The following FHIT variants were observed in gnomAD, a reference collection of about 807,000 sequenced individuals.
FHIT encodes fragile histidine triad diadenosine triphosphatase.
Under a neutral mutation model 17.9 loss-of-function variants are expected in FHIT, and 19 were observed. The ratio of observed to expected loss-of-function variants is 1.06; its 90% confidence interval spans 0.74 to 1.56. FHIT has a LOEUF of 1.56. Among genes scored for constraint, FHIT ranks in the 40% most tolerant of loss-of-function variants. The probability of loss-of-function intolerance (pLI) is 0.00; values close to 1 mark genes in which losing one functional copy is unlikely to be tolerated. For synonymous variants in FHIT, 81 were observed against 69.7 expected (o/e 1.16, Z -0.81); for missense variants, 248 against 189.2 (o/e 1.31, Z -1.82).
intron 4 of FHIT, among the ~76,000 whole-genome samples, chr3:60,751,473 G>T (rs1267313543): frequency 2.0e-5 from 3 of 152,304 alleles, no homozygotes; most frequent in African/African-American, 7.2e-5. Context: ...CAAAATATGG[G>T]CAAAGGATAG....
At chr3:59,823,579 C>T (rs907136515) in intron 8 of FHIT, among the ~76,000 whole-genome samples, 1 of 151,414 alleles carries the variant, frequency 6.6e-6, no homozygotes, top group African/African-American at 2.4e-5. Flanking sequence ...ACCACAAAAA[C>T]AGAATTAAAA....
intron 5 of FHIT, among the ~76,000 whole-genome samples, chr3:60,145,632 G>C (rs10510830): frequency 0.19 from 29,058 of 152,104 alleles, 3,172 homozygotes; most frequent in Middle Eastern, 0.33. Flanking sequence ...CATGTGCAAA[G>C]TAACAAAATA....
intron 5 of FHIT, among the ~76,000 whole-genome samples, chr3:60,280,786 C>T (rs1429658027): frequency 6.6e-6 from 1 of 152,078 alleles, no homozygotes; most frequent in African/African-American, 2.4e-5. Context: ...AGATTTTCCC[C>T]TGTTAATACT....
intron 5 of FHIT, among the ~76,000 whole-genome samples, chr3:60,471,004 A>G (rs2033062179): frequency 6.6e-6 from 1 of 152,132 alleles, no homozygotes; most frequent in African/African-American, 2.4e-5. Flanking sequence ...ATGTTTAGAA[A>G]CGCTGTCTGG....
At chr3:61,049,855 G>T (rs914043333) in intron 2 of FHIT, among the ~76,000 whole-genome samples, 9 of 152,116 alleles carry the variant, frequency 5.9e-5, no homozygotes, top group Non-Finnish European at 8.8e-5. Flanking sequence ...CCTGGAGCAG[G>T]TCATAAGACC....
chr3:60,656,738 C>T (rs1406447018), intron 4 of FHIT, among the ~76,000 whole-genome samples: 2 of 152,158 alleles, frequency 1.3e-5, no homozygotes, highest in Non-Finnish European at 2.9e-5. Flanking sequence ...GGGTTTCCAA[C>T]GTTAACTATG....
intron 7 of FHIT, among the ~76,000 whole-genome samples, chr3:59,993,466 T>C (rs1323578244): frequency 6.6e-6 from 1 of 152,030 alleles, no homozygotes; most frequent in African/African-American, 2.4e-5. Context: ...GAGGTGTTCA[T>C]TCAGCCTGAG....
intron 5 of FHIT, among the ~76,000 whole-genome samples, chr3:60,358,634 T>C (rs1229794843): frequency 1.3e-5 from 2 of 152,180 alleles, no homozygotes; most frequent in East Asian, 1.9e-4. Context: ...CTAATAAACA[T>C]TGCTAAGTAA....
chr3:60,284,304 G>A (rs1707612481), intron 5 of FHIT, among the ~76,000 whole-genome samples: 1 of 152,180 alleles, frequency 6.6e-6, no homozygotes, highest in African/African-American at 2.4e-5. Flanking sequence ...CAAATGAGGT[G>A]TAGACGTTCA....
At chr3:60,342,694 T>G (rs1710585753) in intron 5 of FHIT, among the ~76,000 whole-genome samples, 1 of 152,114 alleles carries the variant, frequency 6.6e-6, no homozygotes. Flanking sequence ...GATTTTGGCT[T>G]TGAAAGAGAA....
intron 2 of FHIT, among the ~76,000 whole-genome samples, chr3:61,093,594 C>G (rs934959427): frequency 3.9e-5 from 6 of 152,268 alleles, no homozygotes; most frequent in East Asian, 1.9e-4. Flanking sequence ...ACATTCAAAG[C>G]CGGGATAGGA....
At chr3:60,517,317 G>C (rs572418176) in intron 5 of FHIT, among the ~76,000 whole-genome samples, 1 of 152,106 alleles carries the variant, frequency 6.6e-6, no homozygotes, top group Non-Finnish European at 1.5e-5. Flanking sequence ...CATATATGAT[G>C]CAATACATGT....
intron 4 of FHIT, among the ~76,000 whole-genome samples, chr3:60,807,159 T>A (rs1701422524): frequency 6.6e-6 from 1 of 152,198 alleles, no homozygotes; most frequent in African/African-American, 2.4e-5. Flanking sequence ...ACTATTTTAT[T>A]CATCTAGAAG....
intron 5 of FHIT, among the ~76,000 whole-genome samples, chr3:60,183,701 C>A (rs899062463): frequency 1.3e-5 from 2 of 152,116 alleles, no homozygotes; most frequent in African/African-American, 4.8e-5. Flanking sequence ...CTTGCCTCCC[C>A]AGAATCCCTT....
At chr3:60,168,251 A>G (rs760742233) in intron 5 of FHIT, among the ~76,000 whole-genome samples, 1 of 152,174 alleles carries the variant, frequency 6.6e-6, no homozygotes, top group African/African-American at 2.4e-5. Context: ...CTCCAGAGAG[A>G]TATCTTCTAC....
intron 4 of FHIT, among the ~76,000 whole-genome samples, chr3:60,624,818 T>C (rs1553680271): frequency 6.6e-6 from 1 of 152,204 alleles, no homozygotes. Flanking sequence ...TCCTTTTTTT[T>C]ACAAGATGAT....
intron 2 of FHIT, among the ~76,000 whole-genome samples, chr3:61,151,606 C>T (rs1159986899): frequency 7.1e-6 from 1 of 140,824 alleles, no homozygotes; most frequent in South Asian, 2.2e-4. Flanking sequence ...TGGAGTCTCA[C>T]TCTGCCACCC....
chr3:61,042,707 G>A (rs775289454), intron 2 of FHIT, among the ~76,000 whole-genome samples: 8 of 152,020 alleles, frequency 5.3e-5, no homozygotes, highest in Admixed American at 1.3e-4. Flanking sequence ...AGGTGTGGTC[G>A]TGGGTACCTG....
rs371199464 is a variant in FHIT at position 61,021,427 on chromosome 3, G to A, written c.-111+20620C>T. Among the ~76,000 whole-genome samples, 76 of 141,838 alleles carry A rather than the reference G, an allele frequency of 5.4e-4. No individual in the cohort carries two copies. In the South Asian group the frequency reaches 0.015, roughly 27 times the overall value. 93.1% of individuals were successfully genotyped at this position (141,838 alleles called of 152,430 possible). A position where few individuals can be genotyped will look rare whatever the true frequency, so the allele number is the denominator to read the frequency against. On this transcript the variant is annotated intron_variant, in intron 3 of 9. Coordinates refer to ENST00000492590, the MANE Select transcript of FHIT (RefSeq NM_002012.4). ...ATCCCAGCTAAAACGGTGAAACCCC[G>A]TCTCTACTAAAAATACAAAAAATTA...
Sources: gnomAD v4.1 joint callset for allele counts (sites outside exome capture counted in the v4.1 genomes callset) on GRCh38, gnomAD v4.1.1 for gene constraint, MANE v1.5 for transcripts, NCBI Gene and HGNC (gene_info 2026-07-23, HGNC 2026-07-21) for gene names.